Variants in ANTXR1 observed in about 807,000 individuals in gnomAD.
ANTXR1 encodes the protein anthrax toxin receptor 1.
Under a neutral mutation model 78.1 loss-of-function variants are expected in ANTXR1, and 19 were observed. The ratio of observed to expected loss-of-function variants is 0.24; its 90% confidence interval spans 0.17 to 0.36. ANTXR1 has a LOEUF of 0.36. Ranked by LOEUF, ANTXR1 falls within the 10% of genes least tolerant of loss-of-function variation. The pLI is 1.00. For synonymous variants in ANTXR1, 273 were observed against 260.5 expected (o/e 1.05, Z -0.46); for missense variants, 518 against 718.6 (o/e 0.72, Z 3.19).
chr2:69,187,051 G>A (rs1163389511), intron 16 of ANTXR1, among the ~76,000 whole-genome samples: 1 of 152,238 alleles, frequency 6.6e-6, no homozygotes, highest in Non-Finnish European at 1.5e-5. Flanking sequence ...CCAGAATCGT[G>A]TACTTACTGA....
intron 1 of ANTXR1, among the ~76,000 whole-genome samples, chr2:69,036,545 C>T (rs1255076827): frequency 1.3e-5 from 2 of 152,142 alleles, no homozygotes; most frequent in African/African-American, 4.8e-5. Context: ...AATTCTCTAC[C>T]GATGAGGAAA....
chr2:69,212,344 A>G (rs1675062859), intron 17 of ANTXR1, among the ~76,000 whole-genome samples: 1 of 152,088 alleles, frequency 6.6e-6, no homozygotes, highest in African/African-American at 2.4e-5. Flanking sequence ...AAGCCCAGGG[A>G]GCGCAGCCTT....
chr2:69,072,729 G>C (rs1452554079), intron 5 of ANTXR1, among the ~76,000 whole-genome samples: 1 of 152,178 alleles, frequency 6.6e-6, no homozygotes, highest in East Asian at 1.9e-4. Context: ...AATCACACTT[G>C]ATTCACCGGT....
intron 17 of ANTXR1, among the ~76,000 whole-genome samples, chr2:69,198,058 T>C (rs924870322): frequency 8.5e-5 from 13 of 152,236 alleles, no homozygotes; most frequent in African/African-American, 3.1e-4. Context: ...TCTATTATTA[T>C]AAATGAAGCT....
intron 16 of ANTXR1, among the ~76,000 whole-genome samples, chr2:69,186,537 G>A (rs1454872417): frequency 6.6e-6 from 1 of 152,200 alleles, no homozygotes; most frequent in East Asian, 1.9e-4. Context: ...ACAGAGATGT[G>A]GGCAAAGCGA....
chr2:69,170,389 C>A, intron 14 of ANTXR1, 100 bp downstream of exon 14: 2 of 1,374,174 alleles, frequency 1.5e-6, no homozygotes, highest in Non-Finnish European at 2.1e-6. Flanking sequence ...CAGAGCAGAG[C>A]TAAGTCAAGC....
chr2:69,117,088 C>A (rs1302094415), intron 10 of ANTXR1, among the ~76,000 whole-genome samples: 1 of 152,196 alleles, frequency 6.6e-6, no homozygotes, highest in African/African-American at 2.4e-5. Context: ...TCAAAAGACA[C>A]CTGAACCTTT....
At chr2:69,148,237 C>T (rs1573933428) in intron 12 of ANTXR1, among the ~76,000 whole-genome samples, 1 of 152,346 alleles carries the variant, frequency 6.6e-6, no homozygotes, top group Non-Finnish European at 1.5e-5. Context: ...ACCCCACCTC[C>T]TTTCCACCCG....
chr2:69,223,270 G>A (rs1278192791), intron 17 of ANTXR1, among the ~76,000 whole-genome samples: 4 of 152,230 alleles, frequency 2.6e-5, no homozygotes, highest in Admixed American at 6.5e-5. Flanking sequence ...GAAATGCCAT[G>A]CCTTACTCAG....
At chr2:69,040,019 G>C in intron 1 of ANTXR1, 25 bp from the exon 2 acceptor site, 1 of 1,606,032 alleles carries the variant, frequency 6.2e-7, no homozygotes, top group Non-Finnish European at 8.5e-7. Flanking sequence ...CCTGAGTCAC[G>C]CAACACCTGC....
At chr2:69,015,458 T>C (rs1301754151) in intron 1 of ANTXR1, among the ~76,000 whole-genome samples, 1 of 152,072 alleles carries the variant, frequency 6.6e-6, no homozygotes, top group Non-Finnish European at 1.5e-5. Context: ...TCCAAACACA[T>C]GTAAACATTT....
chr2:69,206,299 T>C (rs1455196001), intron 17 of ANTXR1, among the ~76,000 whole-genome samples: 1 of 152,214 alleles, frequency 6.6e-6, no homozygotes, highest in African/African-American at 2.4e-5. Context: ...GAATAAATCT[T>C]TTATAAGCCT....
chr2:69,021,126 C>T (rs933380505), intron 1 of ANTXR1, among the ~76,000 whole-genome samples: 9 of 152,118 alleles, frequency 5.9e-5, no homozygotes, highest in South Asian at 2.1e-4. Context: ...ACCTGCCAGA[C>T]GCTATAGTAA....
rs201044113 is a variant in ANTXR1, at chr2:69,245,369, A to G, written c.1579A>G (p.Ser527Gly). The part of the protein sequence containing the change: ...PAPHCPPPPP[S>G]APTPPIPSPP... The stretch of plus-strand genomic sequence containing the variant: ...GCCCCACTGCCCTCCCCCGCCCCCC[A>G]GCGCCCCTACCCCTCCCATCCCGTC... The change falls in exon 18 of 18, where the codon AGC becomes GGC. Residue 527 changes from serine to glycine, a missense_variant. Around this residue, in one of 5 missense-constraint regions of ANTXR1, gnomAD observed 192 missense variants for 230.2 expected, o/e 0.83. Coordinates refer to ENST00000303714, the MANE Select transcript of ANTXR1 (RefSeq NM_032208.3). 4.3e-5 allele frequency: 18 copies of G among 417,430 alleles called. No homozygotes were observed. Among genetic ancestry groups the G allele is most frequent in the Non-Finnish European group, 6.4e-5 (18 of 282,154 alleles). 25.9% of individuals were successfully genotyped at this position (417,430 alleles called of 1,614,324 possible). A position where few individuals can be genotyped will look rare whatever the true frequency, so the allele number is the denominator to read the frequency against.
chr2:69,059,516 T>C (rs1167103720), intron 3 of ANTXR1, among the ~76,000 whole-genome samples: 3 of 152,026 alleles, frequency 2.0e-5, no homozygotes, highest in Non-Finnish European at 4.4e-5. Context: ...TTTGCTCTTG[T>C]TGCCCAGGCT....
intron 14 of ANTXR1, among the ~76,000 whole-genome samples, chr2:69,171,699 T>G (rs1346473277): frequency 6.6e-6 from 1 of 152,166 alleles, no homozygotes; most frequent in African/African-American, 2.4e-5. Context: ...GGCTCTGACT[T>G]ACCCCAGATC....
At chr2:69,199,663 C>T (rs1304385687) in intron 17 of ANTXR1, among the ~76,000 whole-genome samples, 1 of 152,130 alleles carries the variant, frequency 6.6e-6, no homozygotes, top group Non-Finnish European at 1.5e-5. Flanking sequence ...AGGTCCCCCC[C>T]TAAAGGTTCT....
intron 17 of ANTXR1, among the ~76,000 whole-genome samples, chr2:69,241,751 A>C (rs1425289577): frequency 2.0e-5 from 3 of 151,992 alleles, no homozygotes; most frequent in Admixed American, 6.5e-5. Context: ...ACCTGATACC[A>C]CCTCCAACTG....
chr2:69,227,461 A>AG (rs200187120), intron 17 of ANTXR1, among the ~76,000 whole-genome samples: 1,964 of 152,338 alleles, frequency 0.013, 20 homozygotes, highest in Middle Eastern at 0.048. Context: ...CCAAATGCCC[A>AG]GCACTGGGGC....
Sources: allele counts gnomAD v4.1 joint callset (sites outside exome capture counted in the v4.1 genomes callset), GRCh38; gene constraint gnomAD v4.1.1; regional missense constraint gnomAD v4.1.1; transcripts MANE v1.5; gene names NCBI Gene and HGNC (gene_info 2026-07-23, HGNC 2026-07-21).